Variants in SPRY3 observed in about 807,000 individuals in gnomAD.
SPRY3 encodes the protein protein sprouty homolog 3.
SPRY3 carries 15 observed loss-of-function variants against 20.2 expected under a neutral mutation model. That is an observed-to-expected ratio of 0.74 (90% CI 0.50 to 1.14). The LOEUF is 1.14. Among genes scored for constraint, SPRY3 ranks in the 50% most tolerant of loss-of-function variants. SPRY3 has a pLI of 0.00. For synonymous variants in SPRY3, 143 were observed against 136.5 expected, an observed-to-expected ratio of 1.05 and a Z score of -0.33; for missense variants, 364 against 363.9, an observed-to-expected ratio of 1.00 and a Z score of 0.00.
intron 2 of SPRY3, among the ~76,000 whole-genome samples, chrX:155,728,755 C>G (rs758616962): frequency 2.6e-5 from 4 of 152,234 alleles, no homozygotes; most frequent in African/African-American, 9.6e-5. Context: ...TCCCCTGACC[C>G]CTTGTGCTTC....
intron 2 of SPRY3, among the ~76,000 whole-genome samples, chrX:155,684,820 C>A (rs1000800860): frequency 9.0e-6 from 1 of 111,045 alleles, no homozygotes; most frequent in Non-Finnish European, 1.9e-5. Flanking sequence ...GTTTTGAATT[C>A]TCTTTTTCTG....
chrX:155,700,640 C>T (rs2068134386), intron 2 of SPRY3, among the ~76,000 whole-genome samples: 20 of 54,544 alleles, frequency 3.7e-4, no homozygotes, highest in African/African-American at 8.1e-4. Context: ...TTTTATTATA[C>T]TCTAAGTTTT....
intron 1 of SPRY3, among the ~76,000 whole-genome samples, chrX:155,629,439 C>T (rs1459692334): frequency 2.7e-5 from 3 of 111,049 alleles, no homozygotes; most frequent in Non-Finnish European, 5.7e-5. Flanking sequence ...CACGTCTTTG[C>T]TATTGTGAAT....
intron 2 of SPRY3, among the ~76,000 whole-genome samples, chrX:155,709,168 T>C (rs1438538784): frequency 6.6e-6 from 1 of 151,720 alleles, no homozygotes; most frequent in African/African-American, 2.4e-5. Flanking sequence ...TGATTTCTTG[T>C]CTTTTGGGCA....
At chrX:155,703,933 C>CTGAT (rs2090929473) in intron 2 of SPRY3, among the ~76,000 whole-genome samples, 1 of 151,832 alleles carries the variant, frequency 6.6e-6, no homozygotes, top group Admixed American at 6.6e-5. Flanking sequence ...TGGTGGTTCA[C>CTGAT]TGATGGTAAC....
At chrX:155,715,750 A>G (rs904499562) in intron 2 of SPRY3, among the ~76,000 whole-genome samples, 6 of 152,192 alleles carry the variant, frequency 3.9e-5, no homozygotes, top group African/African-American at 1.4e-4. Flanking sequence ...GCTGGGATAC[A>G]TGATACTGCT....
At chrX:155,662,777 G>A (rs1557353855) in intron 2 of SPRY3, among the ~76,000 whole-genome samples, 1 of 109,779 alleles carries the variant, frequency 9.1e-6, no homozygotes, top group African/African-American at 3.3e-5. Flanking sequence ...TCTTAACTAG[G>A]ATGTGGGTTC....
At chrX:155,645,092 A>C (rs1557351733) in intron 1 of SPRY3, among the ~76,000 whole-genome samples, 1 of 111,550 alleles carries the variant, frequency 9.0e-6, no homozygotes, top group Non-Finnish European at 1.9e-5. Flanking sequence ...TCAATGCAGC[A>C]AGTTCCCTTC....
At chrX:155,639,390 C>T (rs2124535412) in intron 1 of SPRY3, among the ~76,000 whole-genome samples, 1 of 111,992 alleles carries the variant, frequency 8.9e-6, no homozygotes, top group East Asian at 2.8e-4. Context: ...GGGATCTACC[C>T]TCTTAACAAA....
rs1372264875 is a variant in SPRY3 at position 155,762,674 on chromosome X, C to T, written c.-281-5288C>T. Among the ~76,000 whole-genome samples the T allele has an allele frequency of 6.6e-5, 10 of 152,018 alleles. No individual in the cohort carries two copies. The East Asian group carries it at 1.7e-3, about 27-fold the overall frequency. On this transcript the variant is annotated intron_variant, in intron 2 of 3. Coordinates refer to ENST00000675360, the Ensembl canonical transcript of SPRY3. ...AATTGAGGTTGGTCTCACACCAGTCCGAATGGCTATTATTAAGAAGTCAAA... is the reference window on the plus strand; with the variant it reads ...AATTGAGGTTGGTCTCACACCAGTCTGAATGGCTATTATTAAGAAGTCAAA...
chrX:155,663,809 A>G (rs782179103), intron 2 of SPRY3, among the ~76,000 whole-genome samples: 1 of 111,417 alleles, frequency 9.0e-6, no homozygotes, highest in East Asian at 2.8e-4. Context: ...TCAAGATATC[A>G]TTAGAGCAAA....
chrX:155,726,025 A>T (rs968126276), intron 2 of SPRY3, among the ~76,000 whole-genome samples: 16 of 151,972 alleles, frequency 1.1e-4, no homozygotes, highest in African/African-American at 3.6e-4. Context: ...TGTGTCTTTG[A>T]TCTCATTGAT....
chrX:155,616,136 T>TCTCTCTCTCTCTCTCTC (rs2067852649), intron 1 of SPRY3, among the ~76,000 whole-genome samples: 17 of 95,376 alleles, frequency 1.8e-4, no homozygotes, highest in Non-Finnish European at 3.2e-4. Context: ...CTCTCCTCTC[T>TCTCTCTCTCTCTCTCTC]CTCTCTCTCT....
chrX:155,760,992 T>C (rs1250615245), intron 2 of SPRY3, among the ~76,000 whole-genome samples: 1 of 152,118 alleles, frequency 6.6e-6, no homozygotes, highest in African/African-American at 2.4e-5. Context: ...TAAACTTCCT[T>C]CTTCATTTAT....
At chrX:155,694,558 A>G (rs186481213) in intron 2 of SPRY3, among the ~76,000 whole-genome samples, 151 of 111,468 alleles carry the variant, frequency 1.4e-3, no homozygotes, top group African/African-American at 4.8e-3. Context: ...CAAGTGCATT[A>G]CATTTATTGT....
chrX:155,754,661 T>C (rs187562300), intron 2 of SPRY3, among the ~76,000 whole-genome samples: 9 of 152,140 alleles, frequency 5.9e-5, no homozygotes, highest in African/African-American at 2.2e-4. Context: ...GGATTATGTT[T>C]TCTGTAGATC....
At chrX:155,749,725 T>C (rs1279910818) in intron 2 of SPRY3, among the ~76,000 whole-genome samples, 1 of 151,826 alleles carries the variant, frequency 6.6e-6, no homozygotes, top group Non-Finnish European at 1.5e-5. Context: ...GATTTTTGCC[T>C]GGGGAACTAG....
rs149959294 is a variant in SPRY3 at position 155,762,066 on chromosome X, T to C, written c.-281-5896T>C. 2.9e-3 allele frequency among the ~76,000 whole-genome samples: 443 copies of C among 152,238 alleles called. 2 individuals carry two copies. Among genetic ancestry groups the C allele is most frequent in the African/African-American group, 9.9e-3 (410 of 41,540 alleles). On this transcript the variant is annotated intron_variant, in intron 2 of 3. Transcript: ENST00000675360. ...TACCAAATATTCCTACTTGAAAATGTCTCATCTTTACCTCAAATTCAACAC... is the reference window on the plus strand; with the variant it reads ...TACCAAATATTCCTACTTGAAAATGCCTCATCTTTACCTCAAATTCAACAC...
At chrX:155,650,339 T>C (rs1378483603) in intron 1 of SPRY3, among the ~76,000 whole-genome samples, 2 of 111,958 alleles carry the variant, frequency 1.8e-5, no homozygotes, top group Admixed American at 1.9e-4. Flanking sequence ...TATATTGTTA[T>C]AGTCCTTTAG....
Sources: allele counts gnomAD v4.1 joint callset (sites outside exome capture counted in the v4.1 genomes callset), GRCh38; gene constraint gnomAD v4.1.1; transcripts MANE v1.5; gene names NCBI Gene and HGNC (gene_info 2026-07-23, HGNC 2026-07-21).